Variants in PIEZO2 observed in about 807,000 individuals in gnomAD.
The protein encoded by PIEZO2 is piezo-type mechanosensitive ion channel component 2.
A neutral mutation model predicts 337.3 loss-of-function variants in PIEZO2; 172 were observed. The observed-to-expected ratio is 0.51, with a 90% CI of 0.45 to 0.58. The LOEUF (loss-of-function observed/expected upper bound fraction) is 0.58. Ranked by LOEUF, PIEZO2 falls within the 20% of genes least tolerant of loss-of-function variation. The probability of loss-of-function intolerance (pLI) is 0.00; values close to 1 mark genes in which losing one functional copy is unlikely to be tolerated. For synonymous variants in PIEZO2, 1,251 were observed against 1,228.5 expected (o/e 1.02, Z -0.38); for missense variants, 3,028 against 3,391.3 (o/e 0.89, Z 2.66).
intron 7 of PIEZO2, among the ~76,000 whole-genome samples, chr18:10,838,763 C>T (rs1264904246): frequency 1.3e-5 from 2 of 152,150 alleles, no homozygotes; most frequent in African/African-American, 2.4e-5. Context: ...CACACTGTCA[C>T]CTCTGAGAGA....
chr18:11,060,763 T>C (rs1316379428), intron 2 of PIEZO2, among the ~76,000 whole-genome samples: 1 of 152,150 alleles, frequency 6.6e-6, no homozygotes, highest in Non-Finnish European at 1.5e-5. Flanking sequence ...AGGCAATAAT[T>C]AATAGCTTAC....
chr18:10,724,693 C>T lies in PIEZO2; in HGVS notation c.5030-6434G>A. ...ACCTACCAGTCTGCTGTCCCTGCGT[C>T]ATAGGCTGAAGCACTCAGACCGAGA... On this transcript the variant is annotated intron_variant, in intron 36 of 55. Transcript: ENST00000674853. The surrounding 1 kb of genome is among the most constrained non-coding windows in gnomAD (Gnocchi z 5.8). 2 of 1,179,832 alleles carry T rather than the reference C, an allele frequency of 1.7e-6. No individual in the cohort carries two copies. Among genetic ancestry groups the T allele is most frequent in the Non-Finnish European group, 2.4e-6 (2 of 826,258 alleles). The allele number at this position is 1,179,832 out of a possible 1,614,324, so 73.1% of individuals were successfully genotyped here.
chr18:11,134,190 G>A lies in PIEZO2; in HGVS notation c.64+14335C>T, dbSNP rs551482307. Reference sequence around the variant, plus strand: ...GCCACTGGCCGTCCAGTCATGAGGCGGTGGCGAGGATGCAGGATGCTGTGT... The same window carrying A: ...GCCACTGGCCGTCCAGTCATGAGGCAGTGGCGAGGATGCAGGATGCTGTGT... On this transcript the variant is annotated intron_variant, in intron 1 of 55. Transcript: ENST00000674853. Among the ~76,000 whole-genome samples the A allele has an allele frequency of 5.6e-4, 86 of 152,300 alleles. No individual in the cohort carries two copies. In the Middle Eastern group the frequency reaches 0.01, roughly 18 times the overall value.
chr18:10,886,893 C>G (rs1043302133), intron 4 of PIEZO2, among the ~76,000 whole-genome samples: 5 of 151,892 alleles, frequency 3.3e-5, no homozygotes, highest in African/African-American at 1.2e-4. Flanking sequence ...TTAATTGGCT[C>G]ACGGTTCTGA....
At chr18:11,061,490 T>C (rs1456485304) in intron 2 of PIEZO2, among the ~76,000 whole-genome samples, 3 of 152,006 alleles carry the variant, frequency 2.0e-5, no homozygotes, top group Non-Finnish European at 4.4e-5. Context: ...ATGACATGAT[T>C]GTATATCTAG....
Position 10,871,433 on chromosome 18 carries a change from G to A in PIEZO2, c.330-18C>T, listed in dbSNP as rs1214124600. On this transcript the variant is annotated intron_variant, in intron 4 of 55. Coordinates refer to ENST00000674853, the MANE Select transcript of PIEZO2 (RefSeq NM_001378183.1). ...CCTTTAAGCTATAAAGGAAAAACAAGGGGAGGGGAAAAAAATTTAGTTCTT... is the reference window on the plus strand; with the variant it reads ...CCTTTAAGCTATAAAGGAAAAACAAAGGGAGGGGAAAAAAATTTAGTTCTT... The A allele has an allele frequency of 1.3e-6, 2 of 1,519,672 alleles. No individual in the cohort carries two copies. The highest frequency in any genetic ancestry group is 1.8e-6 in the Non-Finnish European group (2 of 1,138,288). The allele number at this position is 1,519,672 out of a possible 1,614,324, so 94.1% of individuals were successfully genotyped here.
At chr18:10,904,913 G>C (rs762746381) in intron 4 of PIEZO2, among the ~76,000 whole-genome samples, 15 of 152,300 alleles carry the variant, frequency 9.8e-5, no homozygotes, top group Middle Eastern at 3.4e-3. Flanking sequence ...GTAAGTATTT[G>C]ATAAATCACA....
chr18:10,961,552 C>T (rs1369429569), intron 3 of PIEZO2, among the ~76,000 whole-genome samples: 1 of 151,752 alleles, frequency 6.6e-6, no homozygotes, highest in Non-Finnish European at 1.5e-5. Flanking sequence ...ACCCCAGTAA[C>T]TTATGGAAAA....
rs111723466 is a variant in PIEZO2 at position 10,942,629 on chromosome 18, G to A, written c.287-31401C>T. On this transcript the variant is annotated intron_variant, in intron 3 of 55. Coordinates refer to ENST00000674853, the MANE Select transcript of PIEZO2 (RefSeq NM_001378183.1). This position sits in a 1 kb window ranked among gnomAD's most constrained non-coding sequence, Gnocchi z 4.4. ...GAAGAGAAGCAGAGCACAAAAGTTC[G>A]GAAAATTTGCAGCCTGACAATGCAA... Among the ~76,000 whole-genome samples, 7 of 152,080 alleles carry A rather than the reference G, an allele frequency of 4.6e-5. No homozygotes were observed. The highest frequency in any genetic ancestry group is 7.2e-5 in the African/African-American group (3 of 41,406).
chr18:10,730,234 A>G (rs1206032152), intron 36 of PIEZO2, among the ~76,000 whole-genome samples: 1 of 152,238 alleles, frequency 6.6e-6, no homozygotes, highest in African/African-American at 2.4e-5. Context: ...ATATGTAAGT[A>G]CTTATCTTCC....
Position 10,766,368 on chromosome 18 carries a change from T to C in PIEZO2, c.2947-3270A>G, listed in dbSNP as rs1018248225. 1.3e-5 allele frequency among the ~76,000 whole-genome samples: 2 copies of C among 152,098 alleles called. No homozygotes were observed. Among genetic ancestry groups the C allele is most frequent in the Non-Finnish European group, 2.9e-5 (2 of 68,000 alleles). On this transcript the variant is annotated intron_variant, in intron 21 of 55. Transcript: ENST00000674853. The surrounding 1 kb of genome is among the most constrained non-coding windows in gnomAD (Gnocchi z 6.1). ...GAGGACAATGACTATGACAAATACC[T>C]GGGCCACAACCAACACCTGATGAAT... is the stretch of plus-strand genomic sequence containing the variant.
intron 49 of PIEZO2, among the ~76,000 whole-genome samples, chr18:10,683,497 G>A (rs1432775281): frequency 6.6e-6 from 1 of 152,186 alleles, no homozygotes; most frequent in South Asian, 2.1e-4. Context: ...TTTTTGCACT[G>A]GCATTTGATA....
In PIEZO2 at chr18:10,874,135, C is replaced by T. The variant is rs555635522; in HGVS notation, c.330-2720G>A. 5.9e-5 allele frequency among the ~76,000 whole-genome samples: 9 copies of T among 152,072 alleles called. No homozygotes were observed. The East Asian group carries it at 1.7e-3, about 29-fold the overall frequency. ...ACAATCTAATAGTAAAAATAAACAACCAATTAAAAACAGGCAAATGACTGA... is the reference window on the plus strand; with the variant it reads ...ACAATCTAATAGTAAAAATAAACAATCAATTAAAAACAGGCAAATGACTGA... On this transcript the variant is annotated intron_variant, in intron 4 of 55. Transcript: ENST00000674853.
At chr18:10,758,407 C>T (rs1353783395) in intron 26 of PIEZO2, among the ~76,000 whole-genome samples, 1 of 152,144 alleles carries the variant, frequency 6.6e-6, no homozygotes, top group Non-Finnish European at 1.5e-5. Flanking sequence ...ATATTAGGTG[C>T]TACTTACTAG....
rs190896681 is a variant in PIEZO2 at position 11,087,077 on chromosome 18, C to T, written c.65-20855G>A. Among the ~76,000 whole-genome samples the T allele has an allele frequency of 1.5e-3, 232 of 152,200 alleles. 2 individuals are homozygous for T. The highest frequency in any genetic ancestry group is 5.3e-3 in the African/African-American group (221 of 41,546). Reference sequence around the variant, plus strand: ...ACGTGGAGTCCTTGTGAGTGGGATACGTGCCCTTATAAAAGAGACTCCAGG... The same window carrying T: ...ACGTGGAGTCCTTGTGAGTGGGATATGTGCCCTTATAAAAGAGACTCCAGG... On this transcript the variant is annotated intron_variant, in intron 1 of 55. Coordinates refer to ENST00000674853, the MANE Select transcript of PIEZO2 (RefSeq NM_001378183.1).
At chr18:10,739,131 C>T (rs2037121287) in intron 33 of PIEZO2, 3 of 152,210 alleles carry the variant, frequency 2.0e-5, no homozygotes. Context: ...ATCATAGACA[C>T]AACAATACAG....
intron 38 of PIEZO2, 99 bp from the exon 39 acceptor site, chr18:10,715,029 G>C: frequency 4.1e-6 from 5 of 1,221,686 alleles, no homozygotes; most frequent in Non-Finnish European, 5.6e-6. Context: ...ACCCATGCAT[G>C]CCTGGATAAG....
intron 2 of PIEZO2, among the ~76,000 whole-genome samples, chr18:10,991,805 ACT>A (rs2035115623): frequency 6.6e-6 from 1 of 152,160 alleles, no homozygotes; most frequent in African/African-American, 2.4e-5. Flanking sequence ...GAATTGCCAC[ACT>A]GTCTTCCACA....
rs1008422443 is a variant in PIEZO2, at chr18:11,094,046, G to A, written c.65-27824C>T. Among the ~76,000 whole-genome samples the A allele has an allele frequency of 1.3e-5, 2 of 151,440 alleles. No individual in the cohort carries two copies. The highest frequency in any genetic ancestry group is 4.9e-5 in the African/African-American group (2 of 41,128). On this transcript the variant is annotated intron_variant, in intron 1 of 55. Coordinates refer to ENST00000674853, the MANE Select transcript of PIEZO2 (RefSeq NM_001378183.1). This position sits in a 1 kb window ranked among gnomAD's most constrained non-coding sequence, Gnocchi z 4.4. ...CAGGCTGGAGTGCAGTGGTGCTACT[G>A]CGGCTCACTGCAACCTCTGCCTCCT...
Sources: gnomAD v4.1 joint callset for allele counts (sites outside exome capture counted in the v4.1 genomes callset) on GRCh38, gnomAD v4.1.1 for gene constraint, Gnocchi (gnomAD v3.1) non-coding constraint, MANE v1.5 for transcripts, NCBI Gene and HGNC (gene_info 2026-07-23, HGNC 2026-07-21) for gene names.